The following ANKRD55 variants were observed in gnomAD, a reference collection of about 807,000 sequenced individuals.
The protein encoded by ANKRD55 is ankyrin repeat domain 55.
ANKRD55 carries 41 observed loss-of-function variants against 60.6 expected under a neutral mutation model. That is an observed-to-expected ratio of 0.68 (90% CI 0.53 to 0.88). The LOEUF (loss-of-function observed/expected upper bound fraction) is 0.88. ANKRD55 is among the 40% of genes least tolerant of loss of function. The pLI, the probability that ANKRD55 is intolerant of heterozygous loss-of-function variation, is 0.00. For missense variants in ANKRD55, 732 were observed against 767.6 expected, an observed-to-expected ratio of 0.95 and a Z score of 0.55; for synonymous variants, 264 against 290.3, an observed-to-expected ratio of 0.91 and a Z score of 0.92.
At chr5:56,134,824 C>T (rs1757515639) in intron 7 of ANKRD55, among the ~76,000 whole-genome samples, 1 of 152,036 alleles carries the variant, frequency 6.6e-6, no homozygotes, top group Non-Finnish European at 1.5e-5. Flanking sequence ...CAATAACTTT[C>T]ATAAAGATAG....
intron 9 of ANKRD55, among the ~76,000 whole-genome samples, chr5:56,112,231 G>T (rs746364541): frequency 2.4e-4 from 37 of 152,058 alleles, no homozygotes; most frequent in Non-Finnish European, 3.7e-4. Flanking sequence ...GGTTGCTGAG[G>T]TGGGGGGAAT....
chr5:56,126,981 AAT>A lies in ANKRD55; in HGVS notation c.736_737del (p.Ile246TyrfsTer3). The A allele has an allele frequency of 6.2e-7, 1 of 1,613,658 alleles. No individual in the cohort carries two copies. ...HIAAAAGFSD[I>X]IHELARVPEC... is the part of the protein sequence containing the mutation. ...CAGGGACTCTTGCCAGCTCATGAAT[AAT>A]ATCGCTGAAGCCCGCTGCCGCTGCG... On this transcript the variant is annotated frameshift_variant, in exon 8 of 12. Coordinates refer to ENST00000341048, the MANE Select transcript of ANKRD55 (RefSeq NM_024669.3). LOFTEE classifies it high-confidence loss of function.
At chr5:56,222,304 C>T (rs1407663267) in intron 2 of ANKRD55, among the ~76,000 whole-genome samples, 1 of 152,146 alleles carries the variant, frequency 6.6e-6, no homozygotes, top group Non-Finnish European at 1.5e-5. Flanking sequence ...AGAAGGAAAA[C>T]TAAGAAACAG....
In ANKRD55 at chr5:56,164,877, T is replaced by TA. The variant is rs1311325725; in HGVS notation, c.423-4985dup. Among the ~76,000 whole-genome samples, 4 of 152,342 alleles carry TA rather than the reference T, an allele frequency of 2.6e-5. No homozygotes were observed. In the South Asian group the frequency reaches 6.2e-4, roughly 24 times the overall value. ...CCCAGTGTGCCTTCACGTTCATGATTATAAATCACTTATCCCTGCATCAGC... is the reference window on the plus strand; with the variant it reads ...CCCAGTGTGCCTTCACGTTCATGATTAATAAATCACTTATCCCTGCATCAGC... On this transcript the variant is annotated intron_variant, in intron 5 of 11. Transcript: ENST00000341048.
chr5:56,171,194 C>T (rs1178931446), intron 4 of ANKRD55, among the ~76,000 whole-genome samples: 1 of 152,158 alleles, frequency 6.6e-6, no homozygotes, highest in Non-Finnish European at 1.5e-5. Flanking sequence ...CAGGTCAGTC[C>T]CCCTCCCAGT....
chr5:56,209,794 T>G (rs1036072177), intron 2 of ANKRD55, among the ~76,000 whole-genome samples: 1 of 152,230 alleles, frequency 6.6e-6, no homozygotes, highest in African/African-American at 2.4e-5. Flanking sequence ...CATTTGTGAT[T>G]ATTTCCTTTG....
At chr5:56,215,647 G>A (rs143391162) in intron 2 of ANKRD55, among the ~76,000 whole-genome samples, 1 of 152,342 alleles carries the variant, frequency 6.6e-6, no homozygotes, top group African/African-American at 2.4e-5. Context: ...AGGAGTGTGG[G>A]AGGGCTTGGG....
chr5:56,104,408 G>T (rs189174863), intron 10 of ANKRD55, among the ~76,000 whole-genome samples: 1 of 152,154 alleles, frequency 6.6e-6, no homozygotes. Flanking sequence ...AAGCAGATGG[G>T]AGCAGTGGGC....
chr5:56,171,898 C>T (rs949973928), intron 4 of ANKRD55, among the ~76,000 whole-genome samples: 1 of 151,926 alleles, frequency 6.6e-6, no homozygotes, highest in Non-Finnish European at 1.5e-5. Context: ...GTGGGTGGAT[C>T]ACGAGGTCAG....
At position 56,116,711 on chromosome 5, in the gene ANKRD55, TC is replaced by T. The variant is rs1449815757; in HGVS notation, c.868del (p.Asp290ThrfsTer158). On this transcript the variant is annotated frameshift_variant, in exon 9 of 12. Coordinates refer to ENST00000341048, the MANE Select transcript of ANKRD55 (RefSeq NM_024669.3). LOFTEE classifies it high-confidence loss of function. ...CTCATTGATGTCCCGCAGGTTGCTG[TC>T]CATTCCCAACTCCAGCAGTGACTGG... ...CVQSLLELGMDSNLRDINEST... is the reference protein window; with the variant it reads ...CVQSLLELGMXSNLRDINEST... 1.9e-6 allele frequency: 3 copies of T among 1,614,048 alleles called. No homozygotes were observed. Among genetic ancestry groups the T allele is most frequent in the Middle Eastern group, 1.7e-4 (1 of 6,056 alleles).
intron 6 of ANKRD55, among the ~76,000 whole-genome samples, chr5:56,144,834 T>C (rs537775467): frequency 6.6e-6 from 1 of 152,320 alleles, no homozygotes; most frequent in South Asian, 2.1e-4. Flanking sequence ...AGAGCCAGCG[T>C]TATCTGAACG....
intron 5 of ANKRD55, among the ~76,000 whole-genome samples, chr5:56,160,262 G>A (rs1758293103): frequency 6.6e-6 from 1 of 152,150 alleles, no homozygotes; most frequent in African/African-American, 2.4e-5. Context: ...TCTTTGAGAT[G>A]GAGTCTCGCT....
At chr5:56,221,164 C>T (rs1442800933) in intron 2 of ANKRD55, among the ~76,000 whole-genome samples, 1 of 152,200 alleles carries the variant, frequency 6.6e-6, no homozygotes, top group African/African-American at 2.4e-5. Flanking sequence ...CCTTTCCCAT[C>T]TCCTATGCTT....
chr5:56,228,553 G>A (rs1384378681), intron 2 of ANKRD55, among the ~76,000 whole-genome samples: 1 of 151,934 alleles, frequency 6.6e-6, no homozygotes, highest in Non-Finnish European at 1.5e-5. Flanking sequence ...AGCCTCCCAA[G>A]TAGCTGGGAC....
intron 9 of ANKRD55, 77 bp downstream of exon 9, chr5:56,116,538 G>A: frequency 7.9e-7 from 1 of 1,257,924 alleles, no homozygotes; most frequent in Non-Finnish European, 1.0e-6. Context: ...TTTGCACCTT[G>A]GCAATTTAAA....
At position 56,106,420 on chromosome 5, in the gene ANKRD55, C is replaced by CTTTTTTTTTTTTTTTTTTTTTTTTT. The variant is rs71602938; in HGVS notation, c.1631-3835_1631-3834insAAAAAAAAAAAAAAAAAAAAAAAAA. On this transcript the variant is annotated intron_variant, in intron 10 of 11. Transcript: ENST00000341048. ...AATAAAATCCGTAAGGCTAGGAAAGCTTTTTTTTTTTTTTTTTTTTTTTGA... is the reference window on the plus strand; with the variant it reads ...AATAAAATCCGTAAGGCTAGGAAAGCTTTTTTTTTTTTTTTTTTTTTTTTTTTTTTTTTTTTTTTTTTTTTTTTGA... Among the ~76,000 whole-genome samples, 39 of 96,914 alleles carry CTTTTTTTTTTTTTTTTTTTTTTTTT rather than the reference C, an allele frequency of 4.0e-4. 3 individuals are homozygous for CTTTTTTTTTTTTTTTTTTTTTTTTT. The highest frequency in any genetic ancestry group is 2.1e-3 in the African/African-American group (36 of 17,134). The allele number at this position is 96,914 out of a possible 152,430, so 63.6% of individuals were successfully genotyped here. A position where few individuals can be genotyped will look rare whatever the true frequency, so the allele number is the denominator to read the frequency against.
intron 10 of ANKRD55, among the ~76,000 whole-genome samples, chr5:56,103,095 A>T (rs1017271570): frequency 4.6e-5 from 7 of 152,236 alleles, no homozygotes; most frequent in Admixed American, 6.5e-5. Context: ...TCAGCTGTTT[A>T]TCAGCTCCCA....
At chr5:56,126,511 A>G (rs796523796) in intron 8 of ANKRD55, among the ~76,000 whole-genome samples, 34 of 152,314 alleles carry the variant, frequency 2.2e-4, no homozygotes, top group African/African-American at 7.7e-4. Context: ...TAAAAGCCCA[A>G]TAGTCCAGAA....
intron 2 of ANKRD55, among the ~76,000 whole-genome samples, chr5:56,184,435 T>C (rs1758922364): frequency 6.6e-6 from 1 of 152,214 alleles, no homozygotes. Context: ...CTTTCAGCCC[T>C]GCGTCATCTC....
Sources: allele counts gnomAD v4.1 joint callset (sites outside exome capture counted in the v4.1 genomes callset), GRCh38; gene constraint gnomAD v4.1.1; transcripts MANE v1.5; gene names NCBI Gene and HGNC (gene_info 2026-07-23, HGNC 2026-07-21).